Variants in FAF1 observed in about 807,000 individuals in gnomAD.
The protein encoded by FAF1 is FAS-associated factor 1.
FAF1 carries 25 observed loss-of-function variants against 92.5 expected under a neutral mutation model. The observed-to-expected ratio is 0.27, with a 90% CI of 0.20 to 0.38. The LOEUF is 0.38. Ranked by LOEUF, FAF1 falls within the 10% of genes least tolerant of loss-of-function variation. The probability of loss-of-function intolerance (pLI) is 1.00; values close to 1 mark genes in which losing one functional copy is unlikely to be tolerated. For missense variants in FAF1, 636 were observed against 793.3 expected (o/e 0.80, Z 2.38); for synonymous variants, 234 against 273.2 (o/e 0.86, Z 1.42).
chr1:50,863,809 T>C (rs1166856487), intron 1 of FAF1, among the ~76,000 whole-genome samples: 3 of 152,068 alleles, frequency 2.0e-5, no homozygotes, highest in African/African-American at 7.2e-5. Context: ...TCTGGTAGAA[T>C]TCGGCTGTGA....
intron 2 of FAF1, among the ~76,000 whole-genome samples, chr1:50,819,204 C>A (rs974570309): frequency 2.6e-5 from 4 of 151,668 alleles, no homozygotes; most frequent in African/African-American, 7.3e-5. Flanking sequence ...CTGGGGGTTA[C>A]TAACCAAAAA....
intron 18 of FAF1, among the ~76,000 whole-genome samples, chr1:50,458,964 C>A (rs1319978696): frequency 6.6e-6 from 1 of 150,540 alleles, no homozygotes; most frequent in African/African-American, 2.5e-5. Context: ...CCCTGCCCTG[C>A]CCTTTTTTTT....
At chr1:50,487,736 T>C (rs1261405880) in intron 17 of FAF1, among the ~76,000 whole-genome samples, 6 of 152,184 alleles carry the variant, frequency 3.9e-5, no homozygotes, top group Non-Finnish European at 7.4e-5. Context: ...TTCTAAAGGA[T>C]CTTAGAATAT....
chr1:50,620,853 GGGA>G (rs1653162623), intron 8 of FAF1, among the ~76,000 whole-genome samples: 1 of 152,260 alleles, frequency 6.6e-6, no homozygotes, highest in African/African-American at 2.4e-5. Flanking sequence ...GGTGTGGGAG[GGGA>G]GGAGATGGCT....
At chr1:50,883,885 G>A (rs1303891250) in intron 1 of FAF1, among the ~76,000 whole-genome samples, 2 of 152,194 alleles carry the variant, frequency 1.3e-5, no homozygotes, top group African/African-American at 4.8e-5. Context: ...AGCACTTTGG[G>A]AGGGTGAGGC....
intron 8 of FAF1, among the ~76,000 whole-genome samples, chr1:50,653,805 G>A (rs1033333620): frequency 1.1e-4 from 17 of 152,202 alleles, no homozygotes; most frequent in African/African-American, 3.9e-4. Flanking sequence ...AGGAGGTGGA[G>A]GTTGCAATGA....
At chr1:50,953,538 G>A (rs1645238036) in intron 1 of FAF1, among the ~76,000 whole-genome samples, 1 of 152,094 alleles carries the variant, frequency 6.6e-6, no homozygotes, top group African/African-American at 2.4e-5. Flanking sequence ...AGGAGTTTGG[G>A]ACCAGCCTGG....
rs1335352800 is a variant in FAF1, at chr1:50,437,388, T to C, written c.*4052A>G. On this transcript the variant is annotated 3_prime_UTR_variant, in exon 19 of 19. Transcript: ENST00000396153. ...AAATACATGTTTAACCTTTCTTTTT[T>C]TTTTTTTTTTAAAGAGATGAGGTCT... The C allele has an allele frequency of 6.6e-6, 1 of 150,524 alleles. No homozygotes were observed. The highest frequency in any genetic ancestry group is 2.5e-5 in the African/African-American group (1 of 40,152). The allele number at this position is 150,524 out of a possible 1,614,324, so 9.3% of individuals were successfully genotyped here.
At chr1:50,885,324 A>ACACACACACACACACACACACACACTCT (rs1644651416) in intron 1 of FAF1, among the ~76,000 whole-genome samples, 34 of 102,264 alleles carry the variant, frequency 3.3e-4, no homozygotes, top group African/African-American at 1.2e-3. Context: ...ACACACACAC[A>ACACACACACACACACACACACACACTCT]CTCTCTCTCT....
chr1:50,748,102 T>TA (rs1457058851), intron 4 of FAF1, among the ~76,000 whole-genome samples: 1 of 152,200 alleles, frequency 6.6e-6, no homozygotes, highest in African/African-American at 2.4e-5. Context: ...TTGTATCAGA[T>TA]AGAGAAAGCT....
intron 1 of FAF1, among the ~76,000 whole-genome samples, chr1:50,935,875 C>T (rs1645081684): frequency 6.6e-6 from 1 of 152,106 alleles, no homozygotes; most frequent in Admixed American, 6.5e-5. Context: ...CTTCATTTGC[C>T]CCATTTTAAT....
intron 6 of FAF1, among the ~76,000 whole-genome samples, chr1:50,723,373 C>T (rs1391717759): frequency 6.6e-6 from 1 of 150,644 alleles, no homozygotes; most frequent in Non-Finnish European, 1.5e-5. Flanking sequence ...GCACTCCAGC[C>T]TGTGCAACAG....
At chr1:50,738,594 C>T (rs1226292919) in intron 6 of FAF1, among the ~76,000 whole-genome samples, 1 of 152,100 alleles carries the variant, frequency 6.6e-6, no homozygotes, top group African/African-American at 2.4e-5. Flanking sequence ...TGGATCCTTT[C>T]CCTTCAGTCA....
chr1:50,688,120 A>C (rs1656753247), intron 7 of FAF1, among the ~76,000 whole-genome samples: 1 of 151,950 alleles, frequency 6.6e-6, no homozygotes, highest in Non-Finnish European at 1.5e-5. Flanking sequence ...TGGGCAACAG[A>C]GCGAGACTCT....
intron 18 of FAF1, among the ~76,000 whole-genome samples, chr1:50,473,006 C>CA (rs1330268391): frequency 6.6e-6 from 1 of 152,138 alleles, no homozygotes; most frequent in Non-Finnish European, 1.5e-5. Context: ...GGGCCTAGAG[C>CA]ATCTGTTCTC....
At chr1:50,587,854 T>C (rs984105095) in intron 9 of FAF1, among the ~76,000 whole-genome samples, 1 of 152,194 alleles carries the variant, frequency 6.6e-6, no homozygotes, top group African/African-American at 2.4e-5. Context: ...AAAAACTTCC[T>C]GGAGGAGATG....
At chr1:50,701,630 C>T (rs541905339) in intron 7 of FAF1, among the ~76,000 whole-genome samples, 97 of 152,130 alleles carry the variant, frequency 6.4e-4, no homozygotes, top group African/African-American at 2.0e-3. Flanking sequence ...ATACAAAATC[C>T]GACGTTAGGT....
At chr1:50,445,541 A>G (rs767060111) in intron 18 of FAF1, among the ~76,000 whole-genome samples, 1 of 152,202 alleles carries the variant, frequency 6.6e-6, no homozygotes, top group Non-Finnish European at 1.5e-5. Flanking sequence ...TCCGGGATAT[A>G]AGATCTTCAC....
chr1:50,440,840 A>G lies in FAF1; in HGVS notation c.*600T>C, dbSNP rs1332189454. ...TGGAGACCCAAGGCAGCAGCAGTAA[A>G]TAAATATCTTGCATATATGTCAAAT... On this transcript the variant is annotated 3_prime_UTR_variant, in exon 19 of 19. Coordinates refer to ENST00000396153, the MANE Select transcript of FAF1 (RefSeq NM_007051.3). The G allele has an allele frequency of 6.6e-6, 1 of 152,276 alleles. No individual in the cohort carries two copies. Among genetic ancestry groups the G allele is most frequent in the Non-Finnish European group, 1.5e-5 (1 of 68,064 alleles). 9.4% of individuals were successfully genotyped at this position (152,276 alleles called of 1,614,324 possible). A position where few individuals can be genotyped will look rare whatever the true frequency, so the allele number is the denominator to read the frequency against.
Sources: allele counts gnomAD v4.1 joint callset (sites outside exome capture counted in the v4.1 genomes callset), GRCh38; gene constraint gnomAD v4.1.1; transcripts MANE v1.5; gene names NCBI Gene and HGNC (gene_info 2026-07-23, HGNC 2026-07-21).